ATP8B4: variants seen among roughly 807,000 people sequenced by gnomAD.
The protein encoded by ATP8B4 is probable phospholipid-transporting ATPase IM.
A neutral mutation model predicts 145.6 loss-of-function variants in ATP8B4; 133 were observed. The observed-to-expected ratio is 0.91, with a 90% CI of 0.79 to 1.05. The LOEUF (loss-of-function observed/expected upper bound fraction) is 1.05, where lower values mean the gene tolerates loss of function less well. ATP8B4 is among the 50% of genes least tolerant of loss of function. The pLI, the probability that ATP8B4 is intolerant of heterozygous loss-of-function variation, is 0.00. For missense variants in ATP8B4, 1,458 were observed against 1,425.2 expected, an observed-to-expected ratio of 1.02 and a Z score of -0.37; for synonymous variants, 507 against 492.9, an observed-to-expected ratio of 1.03 and a Z score of -0.38.
At chr15:50,174,297 A>T (rs908499519) in intron 1 of ATP8B4, among the ~76,000 whole-genome samples, 6 of 152,196 alleles carry the variant, frequency 3.9e-5, no homozygotes, top group South Asian at 2.1e-4. Context: ...TAGCCAGAGT[A>T]ATCAGACGAG....
At chr15:50,162,689 G>C (rs190392653) in intron 1 of ATP8B4, among the ~76,000 whole-genome samples, 2,024 of 152,096 alleles carry the variant, frequency 0.013, 11 homozygotes, top group Middle Eastern at 0.021. Flanking sequence ...TGTATTTTTA[G>C]TAGAGGCGGG....
chr15:50,087,014 T>A (rs1351836123), intron 2 of ATP8B4, among the ~76,000 whole-genome samples: 1 of 114,096 alleles, frequency 8.8e-6, no homozygotes, highest in African/African-American at 3.6e-5. Flanking sequence ...TAGAGATCTA[T>A]ATTATTATAT....
intron 6 of ATP8B4, among the ~76,000 whole-genome samples, chr15:50,030,628 TCC>T (rs752654161): frequency 6.6e-6 from 1 of 152,124 alleles, no homozygotes; most frequent in African/African-American, 2.4e-5. Context: ...CTCAATTTTC[TCC>T]CCCACAAATT....
intron 8 of ATP8B4, among the ~76,000 whole-genome samples, chr15:49,999,824 C>T (rs1244321276): frequency 6.6e-6 from 1 of 152,062 alleles, no homozygotes; most frequent in African/African-American, 2.4e-5. Context: ...AGGTTGTGCT[C>T]CATAGCCGTA....
intron 2 of ATP8B4, among the ~76,000 whole-genome samples, chr15:50,093,757 T>A (rs566269686): frequency 1.3e-5 from 2 of 152,030 alleles, no homozygotes; most frequent in South Asian, 4.1e-4. Context: ...GCATCTTAAA[T>A]AAAAAAATAT....
intron 14 of ATP8B4, among the ~76,000 whole-genome samples, chr15:49,938,266 G>C (rs1450676524): frequency 6.6e-6 from 1 of 151,958 alleles, no homozygotes; most frequent in African/African-American, 2.4e-5. Flanking sequence ...TTCATGGTAG[G>C]GTCAAAACTG....
At chr15:49,891,515 G>A (rs552171214) in intron 23 of ATP8B4, among the ~76,000 whole-genome samples, 32 of 152,120 alleles carry the variant, frequency 2.1e-4, no homozygotes, top group African/African-American at 6.5e-4. Flanking sequence ...TAGTAGAGAC[G>A]AAGTTTTACT....
chr15:49,987,317 G>A, intron 10 of ATP8B4, 74 bp downstream of exon 10: 1 of 1,507,424 alleles, frequency 6.6e-7, no homozygotes, highest in East Asian at 2.3e-5. Context: ...TCAGAACACA[G>A]AGAATCATAG....
chr15:49,992,340 C>G (rs373232656), intron 9 of ATP8B4, among the ~76,000 whole-genome samples: 43 of 152,238 alleles, frequency 2.8e-4, no homozygotes, highest in Non-Finnish European at 3.1e-4. Context: ...GGGAAATAAG[C>G]TCTATAAAAG....
chr15:50,019,658 T>C (rs972199548), intron 6 of ATP8B4, among the ~76,000 whole-genome samples: 2 of 152,234 alleles, frequency 1.3e-5, no homozygotes, highest in East Asian at 1.9e-4. Flanking sequence ...CTTTCTCCAA[T>C]CAGGATTTTG....
intron 3 of ATP8B4, among the ~76,000 whole-genome samples, chr15:50,064,711 G>C (rs2053260309): frequency 1.3e-5 from 2 of 152,136 alleles, no homozygotes; most frequent in South Asian, 4.1e-4. Flanking sequence ...ATAAAGACAA[G>C]AGGTTTAATT....
At chr15:50,035,723 C>G (rs2050785227) in intron 6 of ATP8B4, among the ~76,000 whole-genome samples, 1 of 152,166 alleles carries the variant, frequency 6.6e-6, no homozygotes, top group South Asian at 2.1e-4. Flanking sequence ...ATCAATTGCC[C>G]AAAGTCACAC....
chr15:49,909,180 G>A (rs978219486), intron 20 of ATP8B4, among the ~76,000 whole-genome samples: 1 of 152,024 alleles, frequency 6.6e-6, no homozygotes, highest in Non-Finnish European at 1.5e-5. Flanking sequence ...CCACCTAGGG[G>A]CCTGGGGATC....
intron 1 of ATP8B4, among the ~76,000 whole-genome samples, chr15:50,168,245 T>C (rs1219004737): frequency 6.6e-6 from 1 of 152,142 alleles, no homozygotes; most frequent in East Asian, 1.9e-4. Flanking sequence ...TTGCGAATTT[T>C]AGCTCCAGAG....
intron 27 of ATP8B4, 144 bp from the exon 28 acceptor site, chr15:49,860,619 A>T: frequency 6.1e-6 from 6 of 984,690 alleles, no homozygotes; most frequent in Non-Finnish European, 8.6e-6. Context: ...AAACTAAGAA[A>T]TTTTCCACCC....
chr15:49,979,227 C>T (rs1293775453), intron 12 of ATP8B4, among the ~76,000 whole-genome samples: 2 of 152,026 alleles, frequency 1.3e-5, no homozygotes, highest in Non-Finnish European at 2.9e-5. Flanking sequence ...AGAATAGGAC[C>T]TGAATCCATG....
chr15:49,882,459 T>C (rs1228008901), intron 23 of ATP8B4, among the ~76,000 whole-genome samples: 4 of 152,206 alleles, frequency 2.6e-5, no homozygotes, highest in Non-Finnish European at 2.9e-5. Context: ...GCATTGGTCA[T>C]AATAGTCCCC....
At chr15:49,886,616 C>A (rs757714954) in intron 23 of ATP8B4, among the ~76,000 whole-genome samples, 5 of 152,008 alleles carry the variant, frequency 3.3e-5, no homozygotes, top group African/African-American at 1.2e-4. Context: ...AAAATGAGTA[C>A]CTTGGTACAA....
intron 1 of ATP8B4, among the ~76,000 whole-genome samples, chr15:50,181,218 G>C (rs572803886): frequency 1.3e-5 from 2 of 152,278 alleles, no homozygotes; most frequent in South Asian, 4.1e-4. Context: ...TTAAGATAGA[G>C]GAACACAGGA....
Sources: gnomAD v4.1 joint callset for allele counts (sites outside exome capture counted in the v4.1 genomes callset) on GRCh38, gnomAD v4.1.1 for gene constraint, MANE v1.5 for transcripts, NCBI Gene and HGNC (gene_info 2026-07-23, HGNC 2026-07-21) for gene names.